The following ILRUN variants were observed in gnomAD, a reference collection of about 807,000 sequenced individuals.
The protein encoded by ILRUN is protein ILRUN.
A neutral mutation model predicts 33.8 loss-of-function variants in ILRUN; 3 were observed. The ratio of observed to expected loss-of-function variants is 0.09; its 90% CI spans 0.04 to 0.23. The LOEUF is 0.23. Ranked by LOEUF, ILRUN falls within the 10% of genes least tolerant of loss-of-function variation. ILRUN has a pLI of 1.00. For synonymous variants in ILRUN, 124 were observed against 138.9 expected (o/e 0.89, Z 0.75); for missense variants, 210 against 375.1 (o/e 0.56, Z 3.64).
chr6:34,633,920 G>A (rs1405447040), intron 3 of ILRUN, among the ~76,000 whole-genome samples: 1 of 117,576 alleles, frequency 8.5e-6, no homozygotes, highest in Non-Finnish European at 1.7e-5. Flanking sequence ...AGGGAGGGAG[G>A]GAATGAAATC....
At chr6:34,591,062 T>C (rs1761284043) in intron 4 of ILRUN, among the ~76,000 whole-genome samples, 1 of 152,236 alleles carries the variant, frequency 6.6e-6, no homozygotes, top group Non-Finnish European at 1.5e-5. Flanking sequence ...ACTTAGCACC[T>C]AGGTCCCAGG....
intron 1 of ILRUN, among the ~76,000 whole-genome samples, chr6:34,662,041 C>T (rs1211799908): frequency 1.4e-4 from 20 of 139,160 alleles, no homozygotes; most frequent in Non-Finnish European, 2.7e-4. Context: ...AGGAGAATGG[C>T]GTGAACCCGG....
chr6:34,695,134 C>T (rs1763732720), intron 1 of ILRUN, among the ~76,000 whole-genome samples: 1 of 151,982 alleles, frequency 6.6e-6, no homozygotes. Flanking sequence ...GAGCATCATC[C>T]AGGGTAGAAC....
At chr6:34,659,222 G>A (rs1246886396) in intron 1 of ILRUN, among the ~76,000 whole-genome samples, 2 of 152,196 alleles carry the variant, frequency 1.3e-5, no homozygotes, top group Non-Finnish European at 2.9e-5. Flanking sequence ...GATGGGCTTG[G>A]TACACAGCAC....
rs1172914024 is a variant in ILRUN, at chr6:34,588,032, G to C, written c.*2533C>G. The C allele has an allele frequency of 5.0e-6, 2 of 398,618 alleles. No homozygotes were observed. Among genetic ancestry groups the C allele is most frequent in the African/African-American group, 2.1e-5 (1 of 48,628 alleles). 24.7% of individuals were successfully genotyped at this position (398,618 alleles called of 1,614,324 possible). On this transcript the variant is annotated 3_prime_UTR_variant, in exon 5 of 5. Transcript: ENST00000374023. ...AGCCACTACCACCCCACTAGGCAGGGGAGCAGAGAGGGGCCCTAGGCATTG... is the reference window on the plus strand; with the variant it reads ...AGCCACTACCACCCCACTAGGCAGGCGAGCAGAGAGGGGCCCTAGGCATTG...
intron 3 of ILRUN, among the ~76,000 whole-genome samples, chr6:34,625,640 T>C (rs929297534): frequency 3.3e-5 from 5 of 152,180 alleles, no homozygotes; most frequent in African/African-American, 1.2e-4. Flanking sequence ...CAAAGTGTAC[T>C]AGTCATGCTT....
intron 1 of ILRUN, chr6:34,685,621 A>T (rs1763499717): frequency 6.6e-6 from 1 of 152,200 alleles, no homozygotes; most frequent in African/African-American, 2.4e-5. Flanking sequence ...TAAGACTACA[A>T]GCGTGCACCA....
intron 1 of ILRUN, chr6:34,685,450 T>C (rs1763495536): frequency 6.6e-6 from 1 of 152,212 alleles, no homozygotes; most frequent in South Asian, 2.1e-4. Context: ...ATTTCTGACC[T>C]GGGCTGGCTC....
At chr6:34,683,522 A>ATG (rs1462963647) in intron 1 of ILRUN, among the ~76,000 whole-genome samples, 6 of 89,436 alleles carry the variant, frequency 6.7e-5, no homozygotes, top group Non-Finnish European at 8.2e-5. Context: ...ATACATATAT[A>ATG]TATATACATA....
chr6:34,634,553 G>T (rs1030841738), intron 3 of ILRUN, among the ~76,000 whole-genome samples: 11 of 151,516 alleles, frequency 7.3e-5, no homozygotes, highest in African/African-American at 2.4e-4. Flanking sequence ...AATAAAATTG[G>T]GAAATCTATC....
chr6:34,675,056 T>C (rs1763200184), intron 1 of ILRUN, among the ~76,000 whole-genome samples: 1 of 152,144 alleles, frequency 6.6e-6, no homozygotes, highest in African/African-American at 2.4e-5. Flanking sequence ...CCAGGTGGGC[T>C]AATCACCTGA....
rs114024957 is a variant in ILRUN at position 34,615,814 on chromosome 6, G to A, written c.512-8910C>T. On this transcript the variant is annotated intron_variant, in intron 3 of 4. Transcript: ENST00000374023. Reference sequence around the variant, plus strand: ...AAGCCAGTCCTATCTGCAGGGAAACGCTCCCTTTCCCAGTAGAGCATTACA... The same window carrying A: ...AAGCCAGTCCTATCTGCAGGGAAACACTCCCTTTCCCAGTAGAGCATTACA... Among the ~76,000 whole-genome samples the A allele has an allele frequency of 3.4e-3, 511 of 152,188 alleles. 3 individuals are homozygous for A. Among genetic ancestry groups the A allele is most frequent in the African/African-American group, 0.012 (493 of 41,514 alleles).
At chr6:34,611,521 A>G (rs556688054) in intron 3 of ILRUN, among the ~76,000 whole-genome samples, 1 of 152,292 alleles carries the variant, frequency 6.6e-6, no homozygotes, top group South Asian at 2.1e-4. Context: ...CTTATATTCC[A>G]GAATGCGTTC....
At chr6:34,614,446 A>C (rs1470135264) in intron 3 of ILRUN, among the ~76,000 whole-genome samples, 5 of 138,096 alleles carry the variant, frequency 3.6e-5, no homozygotes, top group Non-Finnish European at 7.6e-5. Flanking sequence ...AAAAAAAAAT[A>C]TATATATATA....
chr6:34,679,881 G>C (rs1763323406), intron 1 of ILRUN, among the ~76,000 whole-genome samples: 2 of 152,218 alleles, frequency 1.3e-5, no homozygotes, highest in Admixed American at 1.3e-4. Flanking sequence ...AGCCAAGGAA[G>C]GCCAAAGATT....
rs185485534 is a variant in ILRUN, at chr6:34,595,904, C to G, written c.862-5304G>C. On this transcript the variant is annotated intron_variant, in intron 4 of 4. Transcript: ENST00000374023. Reference sequence around the variant, plus strand: ...CCTCATTTCCTGGGTCAGTCCTGGTCAGTGCTTCTTCCGCCTAGTGCTCCT... The same window carrying G: ...CCTCATTTCCTGGGTCAGTCCTGGTGAGTGCTTCTTCCGCCTAGTGCTCCT... 2.2e-4 allele frequency: 215 copies of G among 985,424 alleles called. 3 individuals carry two copies. The African/African-American group carries it at 3.1e-3, about 14-fold the overall frequency. The allele number at this position is 985,424 out of a possible 1,614,324, so 61.0% of individuals were successfully genotyped here.
intron 3 of ILRUN, among the ~76,000 whole-genome samples, chr6:34,612,083 T>C (rs1761766842): frequency 6.6e-6 from 1 of 152,184 alleles, no homozygotes; most frequent in African/African-American, 2.4e-5. Context: ...ATGGAGACCC[T>C]GATTCTAAAA....
chr6:34,626,741 C>A (rs1762141157), intron 3 of ILRUN, among the ~76,000 whole-genome samples: 1 of 152,160 alleles, frequency 6.6e-6, no homozygotes. Flanking sequence ...GGTGTGATGG[C>A]TCACGCCTGT....
chr6:34,690,718 T>C (rs1763630294), intron 1 of ILRUN, among the ~76,000 whole-genome samples: 1 of 152,204 alleles, frequency 6.6e-6, no homozygotes. Flanking sequence ...AGAGTGTTTA[T>C]TAGATATCCT....
Sources: allele counts gnomAD v4.1 joint callset (sites outside exome capture counted in the v4.1 genomes callset), GRCh38; gene constraint gnomAD v4.1.1; transcripts MANE v1.5; gene names NCBI Gene and HGNC (gene_info 2026-07-23, HGNC 2026-07-21).